GRAMD1B: variants seen among roughly 807,000 people sequenced by gnomAD.
The protein encoded by GRAMD1B is protein Aster-B.
A neutral mutation model predicts 99.7 loss-of-function variants in GRAMD1B; 37 were observed. That is an observed-to-expected ratio of 0.37 (90% CI 0.29 to 0.49). GRAMD1B has a LOEUF of 0.49. GRAMD1B is among the 20% of genes least tolerant of loss of function. The pLI, the probability that GRAMD1B is intolerant of heterozygous loss-of-function variation, is 0.98. For missense variants in GRAMD1B, 888 were observed against 1,009.2 expected, an observed-to-expected ratio of 0.88 and a Z score of 1.63; for synonymous variants, 427 against 387.6, an observed-to-expected ratio of 1.10 and a Z score of -1.19.
In GRAMD1B at chr11:123,585,100, T is replaced by C. The variant is rs73615870; in HGVS notation, c.684+768T>C. Among the ~76,000 whole-genome samples, 567 of 152,326 alleles carry C rather than the reference T, an allele frequency of 3.7e-3. 3 individuals are homozygous for C. The highest frequency in any genetic ancestry group is 0.013 in the African/African-American group (535 of 41,564). The stretch of plus-strand genomic sequence containing the variant: ...GAGGGGCTGACCTCAGATGACCCTC[T>C]TTGCCTCTCTGAGCCTGCCCTCCTC... On this transcript the variant is annotated intron_variant, in intron 4 of 19. Coordinates refer to ENST00000635736, the MANE Select transcript of GRAMD1B (RefSeq NM_001387025.1).
intron 2 of GRAMD1B, among the ~76,000 whole-genome samples, chr11:123,570,547 C>T (rs1720055654): frequency 6.6e-6 from 1 of 151,508 alleles, no homozygotes; most frequent in African/African-American, 2.4e-5. Context: ...CCTAAGCCTC[C>T]TGAGTAGCTG....
chr11:123,609,926 G>A lies in GRAMD1B; in HGVS notation c.1776+13G>A, dbSNP rs751714219. 8.6e-6 allele frequency: 12 copies of A among 1,388,700 alleles called. No homozygotes were observed. The highest frequency in any genetic ancestry group is 5.6e-5 in the Admixed American group (3 of 53,222). 86.0% of individuals were successfully genotyped at this position (1,388,700 alleles called of 1,614,324 possible). On this transcript the variant is annotated intron_variant, in intron 13 of 19. Transcript: ENST00000635736. ...CAGGGAGACACAGGTGAGCAGAGCC[G>A]CGGATGCACAGAAGAGCGAGCTGGA...
chr11:123,494,852 C>G (rs1040404647), intron 2 of GRAMD1B, among the ~76,000 whole-genome samples: 1 of 152,038 alleles, frequency 6.6e-6, no homozygotes, highest in Non-Finnish European at 1.5e-5. Flanking sequence ...ACAGAGAGTC[C>G]GATCTTAGGC....
intron 1 of GRAMD1B, among the ~76,000 whole-genome samples, chr11:123,411,680 G>A (rs1296709215): frequency 2.0e-5 from 3 of 151,522 alleles, no homozygotes; most frequent in East Asian, 1.9e-4. Context: ...TTTGAGGCAG[G>A]GTCTTGCTCT....
chr11:123,361,227 C>T (rs963051131), intron 1 of GRAMD1B, among the ~76,000 whole-genome samples: 2 of 152,142 alleles, frequency 1.3e-5, no homozygotes, highest in Non-Finnish European at 2.9e-5. Context: ...CACTGGTGGG[C>T]CCTCTCAATA....
chr11:123,486,554 GAAA>G (rs770942713), intron 2 of GRAMD1B, among the ~76,000 whole-genome samples: 8 of 102,334 alleles, frequency 7.8e-5, no homozygotes, highest in Non-Finnish European at 1.6e-4. Flanking sequence ...TCTCAAAAAA[GAAA>G]AAAAAAAAAA....
At chr11:123,454,882 C>T (rs571421447) in intron 1 of GRAMD1B, 1 of 152,264 alleles carries the variant, frequency 6.6e-6, no homozygotes, top group Admixed American at 6.5e-5. Flanking sequence ...GGGAATAGGA[C>T]TGGTTTTACA....
intron 2 of GRAMD1B, among the ~76,000 whole-genome samples, chr11:123,554,816 C>T (rs73027973): frequency 0.11 from 16,071 of 152,086 alleles, 950 homozygotes; most frequent in East Asian, 0.27. Context: ...GGGAGCAGCT[C>T]CTAGGATTGA....
intron 1 of GRAMD1B, among the ~76,000 whole-genome samples, chr11:123,386,468 C>A (rs181002984): frequency 3.3e-4 from 47 of 141,730 alleles, no homozygotes; most frequent in African/African-American, 1.2e-3. Flanking sequence ...GATGGAGTCT[C>A]ACTCTGTCAC....
chr11:123,466,317 A>G (rs568861684), intron 1 of GRAMD1B, among the ~76,000 whole-genome samples: 1 of 80,352 alleles, frequency 1.2e-5, no homozygotes, highest in South Asian at 3.9e-4. Context: ...AGAGAGAAAG[A>G]GAAAGAAAGA....
chr11:123,583,094 CTGTGTGTATATGTGTGTGTATA>C (rs940290191), intron 3 of GRAMD1B, among the ~76,000 whole-genome samples: 1 of 150,978 alleles, frequency 6.6e-6, no homozygotes, highest in Non-Finnish European at 1.5e-5. Context: ...ATGTATGTGC[CTGTGTGTATATGTGTGTGTATA>C]TGTGTGGTGT....
At chr11:123,612,906 G>A (rs1428643069) in intron 15 of GRAMD1B, 42 bp downstream of exon 15, 1 of 1,149,376 alleles carries the variant, frequency 8.7e-7, no homozygotes, top group African/African-American at 1.5e-5. Flanking sequence ...CTGCAGAGAT[G>A]GTAAACTGCA....
rs1158442455 is a variant in GRAMD1B at position 123,476,073 on chromosome 11, G to C, written c.375-4743G>C. Among the ~76,000 whole-genome samples the C allele has an allele frequency of 2.0e-5, 3 of 151,950 alleles. No individual in the cohort carries two copies. The East Asian group carries it at 5.8e-4, about 29-fold the overall frequency. Reference sequence around the variant, plus strand: ...CAATATTATTTCATGGGATTGAGTGGAGGAGTGGTTGGCAGCAATTCATCC... The same window carrying C: ...CAATATTATTTCATGGGATTGAGTGCAGGAGTGGTTGGCAGCAATTCATCC... On this transcript the variant is annotated intron_variant, in intron 1 of 19. Transcript: ENST00000635736.
chr11:123,546,159 C>T (rs547539840), intron 2 of GRAMD1B, among the ~76,000 whole-genome samples: 2 of 152,346 alleles, frequency 1.3e-5, no homozygotes, highest in South Asian at 2.1e-4. Flanking sequence ...TTACTACCCA[C>T]GCCCAAATTG....
rs1215610520 is a variant in GRAMD1B, at chr11:123,626,726, A to ACTTGACATC, written c.*4147_*4155dup. The ACTTGACATC allele has an allele frequency of 2.0e-5, 3 of 152,326 alleles. No homozygotes were observed. Among genetic ancestry groups the ACTTGACATC allele is most frequent in the East Asian group, 1.9e-4 (1 of 5,182 alleles). The allele number at this position is 152,326 out of a possible 1,614,324, so 9.4% of individuals were successfully genotyped here. A position where few individuals can be genotyped will look rare whatever the true frequency, so the allele number is the denominator to read the frequency against. ...CTATGGGACAATCATCCCATTCACCACTTGACATCCTTGACATCCTTGACT... is the reference window on the plus strand; with the variant it reads ...CTATGGGACAATCATCCCATTCACCACTTGACATCCTTGACATCCTTGACATCCTTGACT... On this transcript the variant is annotated 3_prime_UTR_variant, in exon 20 of 20. Coordinates refer to ENST00000635736, the MANE Select transcript of GRAMD1B (RefSeq NM_001387025.1).
intron 2 of GRAMD1B, among the ~76,000 whole-genome samples, chr11:123,543,931 A>C (rs764103188): frequency 2.6e-5 from 4 of 152,212 alleles, no homozygotes; most frequent in Non-Finnish European, 4.4e-5. Context: ...TGCAAAGCTT[A>C]AAGTATTTAC....
At chr11:123,620,081 C>T (rs1954925671) in intron 19 of GRAMD1B, among the ~76,000 whole-genome samples, 1 of 152,200 alleles carries the variant, frequency 6.6e-6, no homozygotes, top group South Asian at 2.1e-4. Context: ...GAATTGTAAT[C>T]ATAGCTTCAT....
intron 2 of GRAMD1B, among the ~76,000 whole-genome samples, chr11:123,562,167 C>T (rs1049136279): frequency 1.3e-5 from 2 of 151,422 alleles, no homozygotes; most frequent in Non-Finnish European, 3.0e-5. Flanking sequence ...TGGGCAACAT[C>T]GCGAGACCCT....
At chr11:123,617,169 C>CTTTTT (rs34788392) in intron 17 of GRAMD1B, among the ~76,000 whole-genome samples, 256 of 133,604 alleles carry the variant, frequency 1.9e-3, no homozygotes, top group Non-Finnish European at 2.7e-3. Flanking sequence ...TCTTTCTTTC[C>CTTTTT]TTTTTTTTTT....
Sources: gnomAD v4.1 joint callset for allele counts (sites outside exome capture counted in the v4.1 genomes callset) on GRCh38, gnomAD v4.1.1 for gene constraint, MANE v1.5 for transcripts, NCBI Gene and HGNC (gene_info 2026-07-23, HGNC 2026-07-21) for gene names.